Variants in INTS1 observed in about 807,000 individuals in gnomAD.
INTS1 encodes the protein integrator complex subunit 1.
A neutral mutation model predicts 241.6 loss-of-function variants in INTS1; 137 were observed. The observed-to-expected ratio is 0.57, with a 90% confidence interval of 0.49 to 0.65. INTS1 has a LOEUF of 0.65. Among genes scored for constraint, INTS1 ranks in the 30% least tolerant of loss-of-function variants. The pLI, the probability that INTS1 is intolerant of heterozygous loss-of-function variation, is 0.00. For synonymous variants in INTS1, 1,692 were observed against 1,337.8 expected, an observed-to-expected ratio of 1.26 and a Z score of -5.78; for missense variants, 3,073 against 3,032.2, an observed-to-expected ratio of 1.01 and a Z score of -0.32.
intron 25 of INTS1, 37 bp downstream of exon 25, chr7:1,483,966 C>T (rs1562498341): frequency 1.3e-6 from 2 of 1,594,826 alleles, no homozygotes; most frequent in African/African-American, 2.7e-5. Context: ...CGTAGACCTC[C>T]TCGCCCTCAC....
intron 3 of INTS1, 124 bp from the exon 4 acceptor site, chr7:1,500,490 TC>T: frequency 9.1e-7 from 1 of 1,101,980 alleles, no homozygotes; most frequent in Non-Finnish European, 1.3e-6. Flanking sequence ...GGACCAGCGA[TC>T]CACCCTCAGC....
chr7:1,499,800 G>A lies in INTS1; in HGVS notation c.684+84C>T, dbSNP rs369195424. The A allele has an allele frequency of 7.9e-6, 12 of 1,515,034 alleles. No homozygotes were observed. The East Asian group carries it at 1.9e-4, about 24-fold the overall frequency. The allele number at this position is 1,515,034 out of a possible 1,614,324, so 93.8% of individuals were successfully genotyped here. A position where few individuals can be genotyped will look rare whatever the true frequency, so the allele number is the denominator to read the frequency against. ...GGGCTGTCAGACACAGCCCTCTGGA[G>A]AGAACACACTTCTGCTTTTCTCTCG... is the stretch of plus-strand genomic sequence containing the variant. On this transcript the variant is annotated intron_variant, in intron 5 of 47. Transcript: ENST00000404767.
chr7:1,493,023 G>A lies in INTS1; in HGVS notation c.2152C>T (p.Gln718Ter), dbSNP rs1172257370. Reference sequence around the variant, plus strand: ...GCGTGGGCTTACCCCGGTGGGAGCTGGATGTTTTCAGGGTGATGGTAGGTG... The same window carrying A: ...GCGTGGGCTTACCCCGGTGGGAGCTAGATGTTTTCAGGGTGATGGTAGGTG... ...LCTYHHPENI[Q>*]LPPGYQPPNL... Residue 718 changes from glutamine (Q) to a stop codon, truncating the protein, a stop_gained, in exon 16 of 48, where the codon CAG becomes TAG. Transcript: ENST00000404767. LOFTEE classifies it high-confidence loss of function. The surrounding 1 kb of genome is among the most constrained non-coding windows in gnomAD (Gnocchi z 5.3). The A allele has an allele frequency of 1.9e-6, 3 of 1,613,232 alleles. No individual in the cohort carries two copies. In the East Asian group the frequency reaches 6.7e-5, roughly 36 times the overall value.
Position 1,474,268 on chromosome 7 carries a change from T to A in INTS1, c.5729A>T (p.His1910Leu). 6.2e-7 allele frequency: 1 copy of A among 1,608,350 alleles called. No homozygotes were observed. The highest frequency in any genetic ancestry group is 1.1e-5 in the South Asian group (1 of 90,990). ...RQQNHLSCFL[H>L]VLGLLELLQP... ...CAGCAGCTCCAGCAGGCCCAGCACG[T>A]GCAGGAAGCAGCTCAGGTGGTTCTG... Residue 1910 changes from histidine (H) to leucine (L), a missense_variant, in exon 41 of 48, where the codon CAC becomes CTC. His to Leu is a moderately conservative substitution (Grantham distance 99). Transcript: ENST00000404767.
rs1004044257 is a variant in INTS1 at position 1,470,828 on chromosome 7, C to A, written c.6457+18G>T. 3.2e-6 allele frequency: 5 copies of A among 1,557,886 alleles called. No individual in the cohort carries two copies. Among genetic ancestry groups the A allele is most frequent in the Non-Finnish European group, 4.4e-6 (5 of 1,149,338 alleles). ...CCCCGAGGGCTGCCAGGGCCCTGGG[C>A]GGGGGGCCAGTCCTCACCTTGGCAC... On this transcript the variant is annotated intron_variant, in intron 47 of 47. Coordinates refer to ENST00000404767, the MANE Select transcript of INTS1 (RefSeq NM_001080453.3).
chr7:1,494,918 A>T, intron 13 of INTS1, 25 bp from the exon 14 acceptor site: 1 of 1,551,346 alleles, frequency 6.4e-7, no homozygotes, highest in Non-Finnish European at 8.7e-7. Context: ...AAGAGCCCTC[A>T]GTCATGATGT....
At chr7:1,479,727 G>A in intron 30 of INTS1, 43 bp from the exon 31 acceptor site, 1 of 1,438,826 alleles carries the variant, frequency 7.0e-7, no homozygotes, top group Non-Finnish European at 9.1e-7. Context: ...CGGAGGAGAA[G>A]GAGGAGGAGC....
Position 1,478,474 on chromosome 7 carries a change from G to A in INTS1, c.4522C>T (p.Leu1508=), listed in dbSNP as rs750449886. 9 of 1,611,888 alleles carry A rather than the reference G, an allele frequency of 5.6e-6. No individual in the cohort carries two copies. The East Asian group carries it at 1.3e-4, about 24-fold the overall frequency. Residue 1508 remains leucine, a synonymous_variant, in exon 33 of 48, where the codon CTG becomes TTG. Coordinates refer to ENST00000404767, the MANE Select transcript of INTS1 (RefSeq NM_001080453.3). ...RGGLLRLAEA[L]AFRQDLEVVS... Reference sequence around the variant, plus strand: ...ACCTCCAGGTCCTGACGGAAGGCCAGGGCCTCGGCCAGGCGCAGGAGCCCC... The same window carrying A: ...ACCTCCAGGTCCTGACGGAAGGCCAAGGCCTCGGCCAGGCGCAGGAGCCCC...
intron 31 of INTS1, 22 bp downstream of exon 31, chr7:1,479,408 C>T: frequency 6.4e-7 from 1 of 1,558,374 alleles, no homozygotes; most frequent in South Asian, 1.2e-5. Flanking sequence ...TCCTCCCCCG[C>T]AAGAGGCCCA....
chr7:1,480,308 C>G lies in INTS1; in HGVS notation c.4074+9G>C. The G allele has an allele frequency of 6.3e-7, 1 of 1,598,228 alleles. No homozygotes were observed. The highest frequency in any genetic ancestry group is 8.5e-7 in the Non-Finnish European group (1 of 1,171,058). Reference sequence around the variant, plus strand: ...GCAGGTGGAGACCCACATGCAGCAGCAACGCTACCTGGAGGAACATGCCAG... The same window carrying G: ...GCAGGTGGAGACCCACATGCAGCAGGAACGCTACCTGGAGGAACATGCCAG... On this transcript the variant is annotated intron_variant, in intron 30 of 47. Coordinates refer to ENST00000404767, the MANE Select transcript of INTS1 (RefSeq NM_001080453.3).
intron 6 of INTS1, 53 bp downstream of exon 6, chr7:1,499,420 C>A (rs369783261): frequency 1.1e-5 from 17 of 1,554,008 alleles, no homozygotes; most frequent in Non-Finnish European, 1.5e-5. Context: ...TCCCACCCCT[C>A]CCCTGCCCTG....
In INTS1 at chr7:1,476,789, C is replaced by A; in HGVS notation, c.5063+5G>T. 6.2e-7 allele frequency: 1 copy of A among 1,612,696 alleles called. No homozygotes were observed. Among genetic ancestry groups the A allele is most frequent in the Non-Finnish European group, 8.5e-7 (1 of 1,179,858 alleles). ...AGCCCAGGTTGGGGACAGGGAGGCG[C>A]CCACCTCTGTTCCCGGCTCTTGCCC... On this transcript the variant is annotated splice_donor_5th_base_variant and intron_variant, in intron 36 of 47. Coordinates refer to ENST00000404767, the MANE Select transcript of INTS1 (RefSeq NM_001080453.3).
At chr7:1,500,437 A>C in intron 3 of INTS1, 71 bp from the exon 4 acceptor site, 2 of 1,430,402 alleles carry the variant, frequency 1.4e-6, no homozygotes, top group Non-Finnish European at 1.8e-6. Flanking sequence ...GGACACCGGG[A>C]AGACCACGAG....
Position 1,481,141 on chromosome 7 carries a change from G to A in INTS1, c.3850+201C>T, listed in dbSNP as rs367894429. ...GGCCCTAGGGGGTGCCTGGCCCCAG[G>A]GTTGGGGCAGGCCCAGGCCTCGGCT... On this transcript the variant is annotated intron_variant, in intron 28 of 47. Coordinates refer to ENST00000404767, the MANE Select transcript of INTS1 (RefSeq NM_001080453.3). The surrounding 1 kb of genome is among the most constrained non-coding windows in gnomAD (Gnocchi z 6.8). The A allele has an allele frequency of 9.5e-6, 7 of 736,386 alleles. No homozygotes were observed. In the East Asian group the frequency reaches 1.3e-4, roughly 14 times the overall value. 45.6% of individuals were successfully genotyped at this position (736,386 alleles called of 1,614,324 possible).
In INTS1 at chr7:1,478,809, C is replaced by T. The variant is rs369875017; in HGVS notation, c.4406G>A (p.Ser1469Asn). The change falls in exon 32 of 48, where the codon AGC (serine) becomes AAC (asparagine). Residue 1469 changes from serine (S) to asparagine (N), a missense_variant. Physicochemically the swap from Ser to Asn is conservative, Grantham distance 46. Transcript: ENST00000404767. ...CAGGGGCCCGCCCTCCACGCCAGGG[C>T]TGTCCAGCCACTGCAGCATCTGCAG... ...VLLQMLQWLD[S>N]PGVEGGPLRA... 9 of 1,608,036 alleles carry T rather than the reference C, an allele frequency of 5.6e-6. No homozygotes were observed. The African/African-American group carries it at 1.2e-4, about 21-fold the overall frequency.
At chr7:1,502,867 G>T (rs1783259757) in intron 3 of INTS1, 34 bp downstream of exon 3, 2 of 1,609,458 alleles carry the variant, frequency 1.2e-6, no homozygotes, top group Admixed American at 3.3e-5. Context: ...ATGAGCTGAG[G>T]GGTGTTCTCG....
chr7:1,474,832 C>T lies in INTS1; in HGVS notation c.5509G>A (p.Gly1837Arg), dbSNP rs755064171. ...AASSSVCKLD[G>R]LIHRFITLLA... ...AGCGTGATGAAGCGGTGGATGAGTCCGTCCAGCTGCAGGGAGGGGCGCTCT... is the reference window on the plus strand; with the variant it reads ...AGCGTGATGAAGCGGTGGATGAGTCTGTCCAGCTGCAGGGAGGGGCGCTCT... The change falls in exon 40 of 48, where the codon GGA (glycine) becomes AGA (arginine). Residue 1837 changes from glycine (G) to arginine (R), a missense_variant. Transcript: ENST00000404767. 19 of 1,587,130 alleles carry T rather than the reference C, an allele frequency of 1.2e-5. No individual in the cohort carries two copies. In the South Asian group the frequency reaches 1.6e-4, roughly 13 times the overall value.
At chr7:1,483,440 C>A in intron 26 of INTS1, 1 of 482,912 alleles carries the variant, frequency 2.1e-6, no homozygotes, top group Non-Finnish European at 3.8e-6. Context: ...CACCGCAGGC[C>A]TACACGGTTA....
chr7:1,480,610 G>A (rs1004830213), intron 29 of INTS1, among the ~76,000 whole-genome samples, 169 bp from the exon 30 acceptor site: 1 of 152,198 alleles, frequency 6.6e-6, no homozygotes, highest in Non-Finnish European at 1.5e-5. Context: ...CAGGTCCACA[G>A]GGATCTCAAG....
Sources: gnomAD v4.1 joint callset for allele counts (sites outside exome capture counted in the v4.1 genomes callset) on GRCh38, gnomAD v4.1.1 for gene constraint, Gnocchi (gnomAD v3.1) non-coding constraint, MANE v1.5 for transcripts, NCBI Gene and HGNC (gene_info 2026-07-23, HGNC 2026-07-21) for gene names.